Variants in CLIP1 observed in about 807,000 individuals in gnomAD.
CLIP1 encodes CAP-Gly domain-containing linker protein 1.
Under a neutral mutation model 161.6 loss-of-function variants are expected in CLIP1, and 66 were observed. That is an observed-to-expected ratio of 0.41 (90% CI 0.33 to 0.50). The LOEUF (loss-of-function observed/expected upper bound fraction) is 0.50, where lower values mean the gene tolerates loss of function less well. CLIP1 is among the 20% of genes least tolerant of loss of function. CLIP1 has a pLI of 0.27. For missense variants in CLIP1, 1,376 were observed against 1,702.0 expected (o/e 0.81, Z 3.37); for synonymous variants, 598 against 626.2 (o/e 0.96, Z 0.67).
intron 20 of CLIP1, among the ~76,000 whole-genome samples, chr12:122,300,703 T>C (rs114314812): frequency 0.02 from 3,006 of 152,312 alleles, 85 homozygotes; most frequent in African/African-American, 0.067. Context: ...TAGCCGCCCG[T>C]ATTGAACATC....
rs76532232 is a variant in CLIP1 at position 122,340,768 on chromosome 12, A to G, written c.2436T>C (p.Asn812=). 188 of 1,580,402 alleles carry G rather than the reference A, an allele frequency of 1.2e-4. No individual in the cohort carries two copies. In the East Asian group the frequency reaches 3.8e-3, roughly 32 times the overall value. The stretch of plus-strand genomic sequence containing the variant: ...CAATACAAACCTTGCTACTTTCAGC[A>G]TTCTTTTCAATCTCTAAATGTTTAA... The part of the protein sequence containing the change: ...KQIKHLEIEK[N]AESSKASSIT... Residue 812 remains asparagine, a synonymous_variant, in exon 11 of 26, where the codon AAT becomes AAC. Coordinates refer to ENST00000620786, the MANE Select transcript of CLIP1 (RefSeq NM_001247997.2).
chr12:122,283,698 A>T (rs900429685), intron 21 of CLIP1, among the ~76,000 whole-genome samples: 1 of 152,016 alleles, frequency 6.6e-6, no homozygotes, highest in Non-Finnish European at 1.5e-5. Flanking sequence ...ACCTCAGGTG[A>T]TCCTCCCAAA....
intron 3 of CLIP1, among the ~76,000 whole-genome samples, chr12:122,375,606 T>C (rs1954683431): frequency 6.6e-6 from 1 of 152,134 alleles, no homozygotes; most frequent in Admixed American, 6.5e-5. Context: ...CATGAGCCAC[T>C]GCACCTGGCC....
chr12:122,337,073 G>A (rs1178268163), intron 11 of CLIP1, among the ~76,000 whole-genome samples: 5 of 151,366 alleles, frequency 3.3e-5, no homozygotes, highest in African/African-American at 1.2e-4. Context: ...GAGTTCAAGT[G>A]ATCTTCCAGC....
chr12:122,370,957 CA>C (rs536221571), intron 3 of CLIP1, among the ~76,000 whole-genome samples: 47 of 67,498 alleles, frequency 7.0e-4, no homozygotes, highest in Admixed American at 1.2e-3. Flanking sequence ...GACTCTGTCT[CA>C]AAAAAAAAAA....
chr12:122,301,664 A>C (rs1950683792), intron 20 of CLIP1, among the ~76,000 whole-genome samples: 1 of 151,980 alleles, frequency 6.6e-6, no homozygotes, highest in Admixed American at 6.6e-5. Flanking sequence ...ACAGAATCAG[A>C]CTCTGTCTCA....
intron 1 of CLIP1, among the ~76,000 whole-genome samples, chr12:122,421,140 C>A (rs1956925938): frequency 1.3e-5 from 2 of 150,566 alleles, no homozygotes; most frequent in South Asian, 2.1e-4. Context: ...ACCCTCCTGC[C>A]GAATGCACAT....
At position 122,341,717 on chromosome 12, in the gene CLIP1, G is replaced by GA. The variant is rs749897176; in HGVS notation, c.1507-21dup. ...AGCCACCTATTAACAGCAGTCCAAA[G>GA]AAAAAAAGATCATTTAAATAACAAG... On this transcript the variant is annotated intron_variant, in intron 10 of 25. Coordinates refer to ENST00000620786, the MANE Select transcript of CLIP1 (RefSeq NM_001247997.2). 1 of 869,476 alleles carries GA rather than the reference G, an allele frequency of 1.2e-6. No individual in the cohort carries two copies. The highest frequency in any genetic ancestry group is 7.0e-5 in the East Asian group (1 of 14,298). The allele number at this position is 869,476 out of a possible 1,614,324, so 53.9% of individuals were successfully genotyped here.
At chr12:122,359,890 G>A (rs1380387557) in intron 5 of CLIP1, among the ~76,000 whole-genome samples, 1 of 152,184 alleles carries the variant, frequency 6.6e-6, no homozygotes. Context: ...AAAGTCTGAT[G>A]CCGCCATTTC....
At chr12:122,325,543 G>A (rs1315997589) in intron 17 of CLIP1, among the ~76,000 whole-genome samples, 9 of 152,040 alleles carry the variant, frequency 5.9e-5, no homozygotes, top group Admixed American at 1.3e-4. Flanking sequence ...GGGAAGTGGC[G>A]CGATCTCGGC....
chr12:122,406,085 G>A (rs1956318655), intron 1 of CLIP1, among the ~76,000 whole-genome samples: 1 of 152,088 alleles, frequency 6.6e-6, no homozygotes, highest in East Asian at 1.9e-4. Flanking sequence ...GGGGCGGGAA[G>A]CAAACAGCAT....
At chr12:122,339,456 G>A (rs1476150460) in intron 11 of CLIP1, among the ~76,000 whole-genome samples, 1 of 152,054 alleles carries the variant, frequency 6.6e-6, no homozygotes, top group Non-Finnish European at 1.5e-5. Flanking sequence ...TTGTGCCTCA[G>A]CCTCCTGAGT....
chr12:122,357,675 C>T (rs1176574830), intron 5 of CLIP1, among the ~76,000 whole-genome samples: 2 of 146,614 alleles, frequency 1.4e-5, no homozygotes, highest in South Asian at 2.2e-4. Context: ...CCGCCCCGTC[C>T]GGGAGGGAGA....
intron 19 of CLIP1, 113 bp downstream of exon 19, chr12:122,316,636 T>C (rs1951284867): frequency 1.5e-6 from 1 of 663,364 alleles, no homozygotes; most frequent in South Asian, 2.3e-5. Flanking sequence ...CAATAGAGTC[T>C]GCATACGTTT....
Position 122,279,207 on chromosome 12 carries a change from G to T in CLIP1, c.3648-62C>A. The T allele has an allele frequency of 9.6e-7, 1 of 1,041,508 alleles. No individual in the cohort carries two copies. Among genetic ancestry groups the T allele is most frequent in the Non-Finnish European group, 1.4e-6 (1 of 714,954 alleles). 64.5% of individuals were successfully genotyped at this position (1,041,508 alleles called of 1,614,324 possible). On this transcript the variant is annotated intron_variant, in intron 21 of 25. Coordinates refer to ENST00000620786, the MANE Select transcript of CLIP1 (RefSeq NM_001247997.2). The surrounding 1 kb of genome is among the most constrained non-coding windows in gnomAD (Gnocchi z 4.5). ...CCGAAAGACTGGTCAGTGTACAACT[G>T]TTCTAGAACAAACACATAATTAATG...
intron 20 of CLIP1, among the ~76,000 whole-genome samples, chr12:122,293,679 C>T (rs939940527): frequency 2.6e-5 from 4 of 151,744 alleles, no homozygotes; most frequent in Non-Finnish European, 5.9e-5. Context: ...GTTTTCTCCA[C>T]GTTGATCAGG....
Position 122,271,978 on chromosome 12 carries a change from G to A in CLIP1, c.*897C>T, listed in dbSNP as rs148090344. 0.01 allele frequency: 1,584 copies of A among 152,672 alleles called. 33 individuals are homozygous for A. The highest frequency in any genetic ancestry group is 0.065 in the South Asian group (315 of 4,820). The allele number at this position is 152,672 out of a possible 1,614,324, so 9.5% of individuals were successfully genotyped here. On this transcript the variant is annotated 3_prime_UTR_variant, in exon 26 of 26. Transcript: ENST00000620786. ...AAATTCCTCCAGTTATTTAAATCTGGTGAAGAAATAAAAGGAAAACAAACA... is the reference window on the plus strand; with the variant it reads ...AAATTCCTCCAGTTATTTAAATCTGATGAAGAAATAAAAGGAAAACAAACA...
At position 122,355,301 on chromosome 12, in the gene CLIP1, G is replaced by A. The variant is rs547632811; in HGVS notation, c.1017C>T (p.Thr339=). ...RPSRTGLLTE[T]SSRYARKISG... Reference sequence around the variant, plus strand: ...AGATCTTCCTGGCGTAACGGGAGGAGGTTTCAGTCAACTGTAAAGGAAAGT... The same window carrying A: ...AGATCTTCCTGGCGTAACGGGAGGAAGTTTCAGTCAACTGTAAAGGAAAGT... Residue 339 remains threonine (T), a synonymous_variant, in exon 6 of 26, where the codon ACC becomes ACT. Transcript: ENST00000620786. The surrounding 1 kb of genome is among the most constrained non-coding windows in gnomAD (Gnocchi z 4.1). The A allele has an allele frequency of 2.5e-6, 4 of 1,613,792 alleles. No homozygotes were observed. Among genetic ancestry groups the A allele is most frequent in the South Asian group, 1.1e-5 (1 of 91,048 alleles).
chr12:122,340,491 G>A lies in CLIP1; in HGVS notation c.2451+262C>T, dbSNP rs1307149001. Among the ~76,000 whole-genome samples the A allele has an allele frequency of 2.0e-5, 3 of 152,122 alleles. No individual in the cohort carries two copies. In the East Asian group the frequency reaches 5.8e-4, roughly 29 times the overall value. ...AGCTTAAATTAGAAGTCACAGCATA[G>A]CCCAGAGATAAATAGATCAGGTACC... On this transcript the variant is annotated intron_variant, in intron 11 of 25. Coordinates refer to ENST00000620786, the MANE Select transcript of CLIP1 (RefSeq NM_001247997.2).
Sources: allele counts gnomAD v4.1 joint callset (sites outside exome capture counted in the v4.1 genomes callset), GRCh38; gene constraint gnomAD v4.1.1; non-coding constraint Gnocchi (gnomAD v3.1); transcripts MANE v1.5; gene names NCBI Gene and HGNC (gene_info 2026-07-23, HGNC 2026-07-21).